PPP1R12A: variants seen among roughly 807,000 people sequenced by gnomAD.
PPP1R12A encodes the protein myosin binding subunit.
PPP1R12A carries 19 observed loss-of-function variants against 139.6 expected under a neutral mutation model. That is an observed-to-expected ratio of 0.14 (90% CI 0.09 to 0.20). PPP1R12A has a LOEUF of 0.20. PPP1R12A is among the 10% of genes least tolerant of loss of function. The pLI is 1.00. For synonymous variants in PPP1R12A, 427 were observed against 420.6 expected (o/e 1.02, Z -0.19); for missense variants, 925 against 1,211.5 (o/e 0.76, Z 3.51).
chr12:79,801,432 A>AT (rs1411890295), intron 14 of PPP1R12A, among the ~76,000 whole-genome samples: 6 of 137,384 alleles, frequency 4.4e-5, no homozygotes, highest in Non-Finnish European at 7.8e-5. Flanking sequence ...TTTGTAATTC[A>AT]TTTTTTTAGC....
intron 3 of PPP1R12A, among the ~76,000 whole-genome samples, chr12:79,834,575 AAGAG>A (rs1184576993): frequency 6.6e-6 from 1 of 152,194 alleles, no homozygotes; most frequent in East Asian, 1.9e-4. Flanking sequence ...ACAGAAGAAA[AAGAG>A]AGGTCGAGAA....
chr12:79,916,025 C>T (rs1886966836), intron 1 of PPP1R12A, among the ~76,000 whole-genome samples: 1 of 131,836 alleles, frequency 7.6e-6, no homozygotes, highest in African/African-American at 3.4e-5. Context: ...GTCAACATAA[C>T]TTGTTTTCAG....
At chr12:79,900,039 T>C (rs1485795929) in intron 1 of PPP1R12A, among the ~76,000 whole-genome samples, 1 of 152,250 alleles carries the variant, frequency 6.6e-6, no homozygotes, top group Non-Finnish European at 1.5e-5. Flanking sequence ...ATGAACTGTG[T>C]GTTAGCCATC....
At chr12:79,841,338 A>G (rs537072201) in intron 3 of PPP1R12A, among the ~76,000 whole-genome samples, 1 of 152,236 alleles carries the variant, frequency 6.6e-6, no homozygotes, top group South Asian at 2.1e-4. Context: ...ACCTTTCCTC[A>G]CTACAGCTTT....
At chr12:79,883,519 T>C (rs951119457) in intron 1 of PPP1R12A, among the ~76,000 whole-genome samples, 4 of 152,062 alleles carry the variant, frequency 2.6e-5, no homozygotes. Flanking sequence ...AAGAAGACAT[T>C]CATGAAGATA....
At chr12:79,859,693 T>A (rs1273269106) in intron 2 of PPP1R12A, among the ~76,000 whole-genome samples, 2 of 152,042 alleles carry the variant, frequency 1.3e-5, no homozygotes, top group African/African-American at 4.8e-5. Flanking sequence ...TCACTTGAGG[T>A]CAGGAGTTTG....
chr12:79,898,438 G>C (rs1485443058), intron 1 of PPP1R12A, among the ~76,000 whole-genome samples: 1 of 152,124 alleles, frequency 6.6e-6, no homozygotes, highest in Non-Finnish European at 1.5e-5. Flanking sequence ...CCTGATGACA[G>C]AGTGAGACTC....
At chr12:79,928,147 T>C (rs565216634) in intron 1 of PPP1R12A, among the ~76,000 whole-genome samples, 3 of 152,328 alleles carry the variant, frequency 2.0e-5, no homozygotes, top group East Asian at 3.9e-4. Context: ...TAATAACAAA[T>C]GGATGATGAA....
At chr12:79,843,653 G>A (rs1879041029) in intron 3 of PPP1R12A, among the ~76,000 whole-genome samples, 1 of 135,204 alleles carries the variant, frequency 7.4e-6, no homozygotes, top group East Asian at 3.3e-4. Context: ...TATAGATATA[G>A]ATATAGATAT....
intron 22 of PPP1R12A, among the ~76,000 whole-genome samples, chr12:79,784,918 C>T (rs1003556865): frequency 9.2e-5 from 14 of 152,086 alleles, no homozygotes; most frequent in Non-Finnish European, 1.5e-4. Flanking sequence ...GAATTACAGG[C>T]GTGAGCCACC....
intron 2 of PPP1R12A, among the ~76,000 whole-genome samples, chr12:79,867,466 A>G (rs958439780): frequency 2.0e-5 from 3 of 152,132 alleles, no homozygotes; most frequent in Admixed American, 2.0e-4. Flanking sequence ...TTAAAAGTAT[A>G]ATACAAATAA....
chr12:79,789,866 C>T (rs1450814590), intron 20 of PPP1R12A, among the ~76,000 whole-genome samples: 2 of 151,026 alleles, frequency 1.3e-5, no homozygotes, highest in African/African-American at 4.9e-5. Flanking sequence ...TAACCTTGAG[C>T]TCCTGGGAGC....
At chr12:79,848,680 C>T (rs913298526) in intron 2 of PPP1R12A, 1 of 152,122 alleles carries the variant, frequency 6.6e-6, no homozygotes, top group Non-Finnish European at 1.5e-5. Context: ...CATGCAAACA[C>T]ACAATTCACA....
chr12:79,828,293 G>C (rs756080222), intron 5 of PPP1R12A, 27 bp downstream of exon 5: 1 of 1,579,598 alleles, frequency 6.3e-7, no homozygotes, highest in Non-Finnish European at 8.6e-7. Flanking sequence ...AAAAGTTAAA[G>C]TATTAAAATA....
At chr12:79,917,065 C>A (rs1887052004) in intron 1 of PPP1R12A, among the ~76,000 whole-genome samples, 1 of 152,116 alleles carries the variant, frequency 6.6e-6, no homozygotes, top group South Asian at 2.1e-4. Flanking sequence ...TACTGTCCTG[C>A]AATTAACATT....
At chr12:79,877,021 A>C (rs1425815565) in intron 1 of PPP1R12A, among the ~76,000 whole-genome samples, 1 of 151,812 alleles carries the variant, frequency 6.6e-6, no homozygotes, top group Non-Finnish European at 1.5e-5. Flanking sequence ...AGAAAAAAAA[A>C]GGGTAAAAGC....
intron 2 of PPP1R12A, among the ~76,000 whole-genome samples, chr12:79,871,091 G>C (rs1454422684): frequency 6.6e-6 from 1 of 152,138 alleles, no homozygotes; most frequent in Non-Finnish European, 1.5e-5. Context: ...TAAGAATAAA[G>C]TCCATTTTTG....
chr12:79,832,624 A>G lies in PPP1R12A; in HGVS notation c.488-133T>C, dbSNP rs1362935647. 3.3e-6 allele frequency: 3 copies of G among 913,634 alleles called. No individual in the cohort carries two copies. In the East Asian group the frequency reaches 8.8e-5, roughly 27 times the overall value. 56.6% of individuals were successfully genotyped at this position (913,634 alleles called of 1,614,324 possible). ...TATGTCTTTTTAAAATGGGCTGCTT[A>G]TAACAAGTTGGTTAAACTAAAAAAT... On this transcript the variant is annotated intron_variant, in intron 3 of 24. Transcript: ENST00000450142.
At chr12:79,796,523 G>A (rs1028859253) in intron 17 of PPP1R12A, among the ~76,000 whole-genome samples, 3 of 152,114 alleles carry the variant, frequency 2.0e-5, no homozygotes, top group African/African-American at 4.8e-5. Flanking sequence ...CCACCAGTTC[G>A]ATATTAACTT....
Sources: gnomAD v4.1 joint callset for allele counts (sites outside exome capture counted in the v4.1 genomes callset) on GRCh38, gnomAD v4.1.1 for gene constraint, MANE v1.5 for transcripts, NCBI Gene and HGNC (gene_info 2026-07-23, HGNC 2026-07-21) for gene names.